XKR9: variants seen among roughly 807,000 people sequenced by gnomAD.
The protein encoded by XKR9 is XK related 9.
Under a neutral mutation model 32.0 loss-of-function variants are expected in XKR9, and 32 were observed. The ratio of observed to expected loss-of-function variants is 1.00; its 90% CI spans 0.76 to 1.34. The LOEUF is 1.34. Among genes scored for constraint, XKR9 ranks in the 40% most tolerant of loss-of-function variants. The pLI is 0.00. For synonymous variants in XKR9, 168 were observed against 143.4 expected, an observed-to-expected ratio of 1.17 and a Z score of -1.22; for missense variants, 546 against 429.7, an observed-to-expected ratio of 1.27 and a Z score of -2.39.
chr8:71,057,726 C>G, the XKR9 span, among the ~76,000 whole-genome samples: 1 of 152,168 alleles, frequency 6.6e-6, no homozygotes, highest in Admixed American at 6.5e-5. Context: ...CATGTTACCA[C>G]TGCTTGGTGG....
the XKR9 span, among the ~76,000 whole-genome samples, chr8:70,952,550 C>T: frequency 2.0e-5 from 3 of 152,164 alleles, no homozygotes; most frequent in Non-Finnish European, 4.4e-5. Context: ...TTTAGTGCAT[C>T]TCTGTGCCAG....
At chr8:71,050,418 A>G in the XKR9 span, among the ~76,000 whole-genome samples, 1 of 152,030 alleles carries the variant, frequency 6.6e-6, no homozygotes, top group Admixed American at 6.6e-5. Context: ...AAAATCATAT[A>G]TGAGGAAGAT....
chr8:71,056,860 G>A, the XKR9 span, among the ~76,000 whole-genome samples: 1 of 152,156 alleles, frequency 6.6e-6, no homozygotes, highest in Non-Finnish European at 1.5e-5. Context: ...ATTGGGAAAT[G>A]AGATGGGGAA....
the XKR9 span, among the ~76,000 whole-genome samples, chr8:71,058,668 T>C: frequency 6.6e-6 from 1 of 152,376 alleles, no homozygotes; most frequent in African/African-American, 2.4e-5. Context: ...CTATAGTTTG[T>C]TGGCCCTAAT....
At chr8:70,827,005 G>A in the XKR9 span, among the ~76,000 whole-genome samples, 4 of 152,148 alleles carry the variant, frequency 2.6e-5, no homozygotes, top group Admixed American at 1.3e-4. Context: ...TTTAAAATTT[G>A]TTGTACATAA....
At chr8:70,790,007 C>T (rs982574486) in intron 3 of XKR9, 2 of 151,542 alleles carry the variant, frequency 1.3e-5, no homozygotes, top group Non-Finnish European at 2.9e-5. Context: ...AACAGCTATA[C>T]TCACTGTGCT....
the XKR9 span, among the ~76,000 whole-genome samples, chr8:70,958,015 C>G: frequency 6.6e-6 from 1 of 151,924 alleles, no homozygotes; most frequent in Non-Finnish European, 1.5e-5. Context: ...CTTAAACTCT[C>G]GATCTCAGGT....
intron 4 of XKR9, among the ~76,000 whole-genome samples, chr8:70,713,285 A>G (rs947180771): frequency 2.6e-5 from 4 of 152,142 alleles, no homozygotes; most frequent in Admixed American, 2.0e-4. Flanking sequence ...ATTAAGAGAC[A>G]TGAGAGATAG....
chr8:70,798,013 T>C, the XKR9 span, among the ~76,000 whole-genome samples: 1 of 152,212 alleles, frequency 6.6e-6, no homozygotes. Flanking sequence ...GCAATGAACA[T>C]ATAAGTGCAT....
At chr8:70,738,587 G>T (rs186270571), downstream of XKR9, among the ~76,000 whole-genome samples, 8,705 of 147,786 alleles carry the variant, frequency 0.059, 338 homozygotes, top group Non-Finnish European at 0.075. Context: ...GATCTTTCCT[G>T]CTTTCTCTTG....
chr8:70,997,454 G>T, the XKR9 span, among the ~76,000 whole-genome samples: 2 of 152,126 alleles, frequency 1.3e-5, no homozygotes, highest in South Asian at 4.1e-4. Context: ...CAAAATAATG[G>T]CATTCACAGC....
At chr8:70,971,892 G>A in the XKR9 span, among the ~76,000 whole-genome samples, 6 of 152,072 alleles carry the variant, frequency 3.9e-5, no homozygotes, top group African/African-American at 7.2e-5. Flanking sequence ...GTTGGGTACT[G>A]TGATGCCTCC....
At chr8:70,826,005 G>A in the XKR9 span, among the ~76,000 whole-genome samples, 1 of 152,032 alleles carries the variant, frequency 6.6e-6, no homozygotes, top group East Asian at 1.9e-4. Flanking sequence ...TTTTAAATAA[G>A]GGTATATGGA....
chr8:70,763,969 C>G (rs1807340871), intron 2 of XKR9, among the ~76,000 whole-genome samples: 1 of 152,222 alleles, frequency 6.6e-6, no homozygotes. Context: ...GTAGTCCAAC[C>G]TGTGTGACAT....
chr8:70,894,308 G>A, the XKR9 span, among the ~76,000 whole-genome samples: 1 of 152,016 alleles, frequency 6.6e-6, no homozygotes, highest in Non-Finnish European at 1.5e-5. Context: ...CCTGGGGGCA[G>A]ACAACAACAT....
intron 3 of XKR9, among the ~76,000 whole-genome samples, chr8:70,697,206 A>G (rs1805313178): frequency 6.6e-6 from 1 of 151,460 alleles, no homozygotes; most frequent in Admixed American, 6.6e-5. Flanking sequence ...CCTGGCCAGA[A>G]CTTCCAACAC....
At chr8:70,676,613 T>C (rs1818897655) in intron 2 of XKR9, among the ~76,000 whole-genome samples, 1 of 152,226 alleles carries the variant, frequency 6.6e-6, no homozygotes, top group South Asian at 2.1e-4. Context: ...ATTAGGAATA[T>C]GGATATTACC....
the XKR9 span, among the ~76,000 whole-genome samples, chr8:70,907,718 A>T: frequency 6.6e-6 from 1 of 152,216 alleles, no homozygotes; most frequent in African/African-American, 2.4e-5. Context: ...TTTTGCTTAA[A>T]CATGACCTCT....
At chr8:70,967,065 C>CTTTTTTTTTTT in the XKR9 span, among the ~76,000 whole-genome samples, 240 of 101,256 alleles carry the variant, frequency 2.4e-3, 21 homozygotes, top group Non-Finnish European at 3.8e-3. Flanking sequence ...GATCTTGACT[C>CTTTTTTTTTTT]TTTTTTTTTT....
Sources: gnomAD v4.1 joint callset for allele counts (sites outside exome capture counted in the v4.1 genomes callset) on GRCh38, gnomAD v4.1.1 for gene constraint, MANE v1.5 for transcripts, NCBI Gene and HGNC (gene_info 2026-07-23, HGNC 2026-07-21) for gene names.